TBL1XR1: variants seen among roughly 807,000 people sequenced by gnomAD.
TBL1XR1 encodes F-box-like/WD repeat-containing protein TBL1XR1.
A neutral mutation model predicts 66.9 loss-of-function variants in TBL1XR1; 5 were observed. That is an observed-to-expected ratio of 0.07 (90% CI 0.04 to 0.16). The LOEUF is 0.16. TBL1XR1 is among the 10% of genes least tolerant of loss of function. TBL1XR1 has a pLI of 1.00. For missense variants in TBL1XR1, 238 were observed against 623.2 expected, an observed-to-expected ratio of 0.38 and a Z score of 6.58; for synonymous variants, 210 against 206.0, an observed-to-expected ratio of 1.02 and a Z score of -0.17.
intron 3 of TBL1XR1, among the ~76,000 whole-genome samples, chr3:177,063,878 C>T (rs939515298): frequency 6.6e-6 from 1 of 152,152 alleles, no homozygotes; most frequent in African/African-American, 2.4e-5. Flanking sequence ...GAATAGAAAA[C>T]CCCTACCCCC....
chr3:177,038,056 G>A, intron 12 of TBL1XR1, 42 bp downstream of exon 12: 3 of 1,575,984 alleles, frequency 1.9e-6, no homozygotes, highest in Non-Finnish European at 2.6e-6. Flanking sequence ...CAACCATACT[G>A]TGTGACACCG....
chr3:177,103,271 A>G (rs1309117814), intron 1 of TBL1XR1, among the ~76,000 whole-genome samples: 1 of 152,190 alleles, frequency 6.6e-6, no homozygotes. Context: ...GAAGTACATG[A>G]TCAATCACAT....
intron 1 of TBL1XR1, among the ~76,000 whole-genome samples, chr3:177,131,909 A>ATT (rs1560210150): frequency 4.9e-4 from 30 of 60,694 alleles, no homozygotes; most frequent in Admixed American, 2.9e-3. Flanking sequence ...GGAAGTTTAA[A>ATT]AAAAAAAAAA....
At chr3:177,116,122 A>C (rs1726277020) in intron 1 of TBL1XR1, among the ~76,000 whole-genome samples, 1 of 152,154 alleles carries the variant, frequency 6.6e-6, no homozygotes, top group Admixed American at 6.5e-5. Flanking sequence ...ATTTTGAAAA[A>C]CAGTACCTTC....
rs766034723 is a variant in TBL1XR1, at chr3:177,033,182, T to A, written c.1251-46A>T. ...AGTTAATTTATAAGTAAGGAAATAC[T>A]CCCCCAGCCTTGCTCCCACCCAACC... is the stretch of plus-strand genomic sequence containing the variant. On this transcript the variant is annotated intron_variant, in intron 13 of 15. Coordinates refer to ENST00000457928, the MANE Select transcript of TBL1XR1 (RefSeq NM_024665.7). The A allele has an allele frequency of 5.5e-6, 8 of 1,445,132 alleles. No individual in the cohort carries two copies. In the Admixed American group the frequency reaches 1.8e-4, roughly 32 times the overall value. 89.5% of individuals were successfully genotyped at this position (1,445,132 alleles called of 1,614,324 possible).
At chr3:177,093,568 AACTAT>A (rs1243601638) in intron 2 of TBL1XR1, among the ~76,000 whole-genome samples, 5 of 152,210 alleles carry the variant, frequency 3.3e-5, no homozygotes, top group Admixed American at 6.5e-5. Context: ...CCTGATCTCA[AACTAT>A]ACTATAAGGC....
intron 1 of TBL1XR1, among the ~76,000 whole-genome samples, chr3:177,174,760 C>A (rs1258937039): frequency 6.6e-6 from 1 of 152,178 alleles, no homozygotes; most frequent in Non-Finnish European, 1.5e-5. Flanking sequence ...TCAACTTTCT[C>A]CCCTGTCCAG....
At chr3:177,028,122 T>C (rs181707176) in intron 14 of TBL1XR1, among the ~76,000 whole-genome samples, 1 of 152,308 alleles carries the variant, frequency 6.6e-6, no homozygotes, top group Admixed American at 6.5e-5. Flanking sequence ...ATCATCGGCA[T>C]CTACCTCAAA....
At chr3:177,142,422 T>C (rs997576425) in intron 1 of TBL1XR1, among the ~76,000 whole-genome samples, 4 of 152,202 alleles carry the variant, frequency 2.6e-5, no homozygotes, top group African/African-American at 4.8e-5. Context: ...GTCTAGGTTG[T>C]TGTCACGGAA....
chr3:177,113,301 G>A lies in TBL1XR1; in HGVS notation c.-121-14760C>T, dbSNP rs1248747328. Among the ~76,000 whole-genome samples the A allele has an allele frequency of 2.0e-5, 3 of 152,268 alleles. No homozygotes were observed. The East Asian group carries it at 5.8e-4, about 29-fold the overall frequency. On this transcript the variant is annotated intron_variant, in intron 1 of 15. Transcript: ENST00000457928. ...AACTCAAGAGGAACACTTCCTGACA[G>A]CAATCTGGGCAAGGATTTTCTTTGG...
chr3:177,194,550 A>C (rs531077423), intron 1 of TBL1XR1, among the ~76,000 whole-genome samples: 9 of 152,348 alleles, frequency 5.9e-5, no homozygotes, highest in Middle Eastern at 3.4e-3. Flanking sequence ...TAGTACTGCT[A>C]CAAGTTGTAC....
chr3:177,059,219 A>ATG (rs1194278493), intron 3 of TBL1XR1, among the ~76,000 whole-genome samples: 1 of 152,176 alleles, frequency 6.6e-6, no homozygotes, highest in East Asian at 1.9e-4. Flanking sequence ...TACACTGGTA[A>ATG]TGTCTGTTCA....
intron 12 of TBL1XR1, among the ~76,000 whole-genome samples, chr3:177,035,717 A>G (rs1274003487): frequency 6.6e-6 from 1 of 152,178 alleles, no homozygotes; most frequent in East Asian, 1.9e-4. Flanking sequence ...ACATGGGGGC[A>G]CTAGCTGTGG....
At chr3:177,112,107 A>ATATATATATATATATATTTTTTTTT in intron 1 of TBL1XR1, among the ~76,000 whole-genome samples, 1 of 37,650 alleles carries the variant, frequency 2.7e-5, no homozygotes, top group Non-Finnish European at 4.5e-5. Context: ...ATATATATAT[A>ATATATATATATATATATTTTTTTTT]TTTTTTTTTT....
intron 3 of TBL1XR1, among the ~76,000 whole-genome samples, chr3:177,056,296 T>C (rs762702654): frequency 6.6e-6 from 1 of 152,250 alleles, no homozygotes; most frequent in South Asian, 2.1e-4. Flanking sequence ...AATTAGCTTA[T>C]AGAGTTTAAG....
At chr3:177,091,665 T>C (rs1722860846) in intron 2 of TBL1XR1, among the ~76,000 whole-genome samples, 1 of 151,990 alleles carries the variant, frequency 6.6e-6, no homozygotes, top group Non-Finnish European at 1.5e-5. Flanking sequence ...ATAAAACATA[T>C]CAAATGCCTA....
chr3:177,197,987 C>T (rs1048095511), upstream of TBL1XR1, among the ~76,000 whole-genome samples: 3 of 151,090 alleles, frequency 2.0e-5, no homozygotes, highest in Non-Finnish European at 4.4e-5. Context: ...ACGCCGCGGG[C>T]TCCCGCGTGT....
At chr3:177,134,835 T>C (rs114922981) in intron 1 of TBL1XR1, among the ~76,000 whole-genome samples, 3,266 of 152,212 alleles carry the variant, frequency 0.021, 138 homozygotes, top group African/African-American at 0.075. Flanking sequence ...AAGAATAAAG[T>C]TGAATCTCAG....
chr3:177,194,753 C>A lies in TBL1XR1; in HGVS notation c.-122+2368G>T, dbSNP rs370919424. ...AGGAAGCAGTTACCTCTAATTCTTT[C>A]GGGAGACTGGTGTCATGGTAATCAT... On this transcript the variant is annotated intron_variant, in intron 1 of 15. Coordinates refer to ENST00000457928, the MANE Select transcript of TBL1XR1 (RefSeq NM_024665.7). Among the ~76,000 whole-genome samples the A allele has an allele frequency of 2.0e-5, 3 of 152,262 alleles. No individual in the cohort carries two copies. The South Asian group carries it at 6.2e-4, about 32-fold the overall frequency.
Sources: gnomAD v4.1 joint callset for allele counts (sites outside exome capture counted in the v4.1 genomes callset) on GRCh38, gnomAD v4.1.1 for gene constraint, MANE v1.5 for transcripts, NCBI Gene and HGNC (gene_info 2026-07-23, HGNC 2026-07-21) for gene names.